Variants in IFNG-AS1 observed in about 807,000 individuals in gnomAD.
IFNG-AS1 encodes IFNG regulatory antisense RNA 1.
upstream of IFNG-AS1, chr12:67,989,454 C>T (rs2120400245): frequency 6.6e-6 from 1 of 152,298 alleles, no homozygotes; most frequent in Non-Finnish European, 1.5e-5. Context: ...CCTGCAATTT[C>T]AGGTAGCTTT....
chr12:68,013,537 A>T (rs1880079385), intron 3 of IFNG-AS1: 1 of 152,216 alleles, frequency 6.6e-6, no homozygotes, highest in Admixed American at 6.5e-5. Flanking sequence ...ACAGGGTCCA[A>T]TGTGAAAAAC....
chr12:68,019,089 G>A (rs1039907754), intron 3 of IFNG-AS1, among the ~76,000 whole-genome samples: 19 of 152,132 alleles, frequency 1.2e-4, no homozygotes, highest in East Asian at 9.7e-4. Context: ...AAGTTAAAGA[G>A]GACTCTTCAC....
intron 3 of IFNG-AS1, among the ~76,000 whole-genome samples, chr12:68,015,851 G>A (rs565199024): frequency 6.6e-6 from 1 of 152,100 alleles, no homozygotes; most frequent in Non-Finnish European, 1.5e-5. Context: ...GTATAGCGTG[G>A]AGGTTAAGAG....
chr12:68,018,198 G>T (rs1592831229), intron 3 of IFNG-AS1, among the ~76,000 whole-genome samples: 1 of 152,020 alleles, frequency 6.6e-6, no homozygotes, highest in Non-Finnish European at 1.5e-5. Context: ...ATGGGTTAGA[G>T]TTATTTATTT....
upstream of IFNG-AS1, chr12:67,989,506 G>A (rs1305644236): frequency 1.3e-5 from 2 of 152,168 alleles, no homozygotes; most frequent in Non-Finnish European, 2.9e-5. Context: ...TCAGAGAAAT[G>A]CCAGCAAAAA....
At chr12:67,997,531 AT>A (rs893149440) in intron 2 of IFNG-AS1, among the ~76,000 whole-genome samples, 30 of 151,328 alleles carry the variant, frequency 2.0e-4, no homozygotes, top group Middle Eastern at 3.4e-3. Flanking sequence ...GTAAAAAAAA[AT>A]TTTTTTTTAA....
At chr12:68,000,587 G>A (rs933481339) in intron 2 of IFNG-AS1, among the ~76,000 whole-genome samples, 1 of 152,100 alleles carries the variant, frequency 6.6e-6, no homozygotes, top group African/African-American at 2.4e-5. Flanking sequence ...TGGGTGGATT[G>A]CTTGAGCCCA....
chr12:68,010,044 C>T (rs532492619), intron 3 of IFNG-AS1, among the ~76,000 whole-genome samples: 59 of 152,280 alleles, frequency 3.9e-4, no homozygotes, highest in African/African-American at 1.3e-3. Context: ...TTAGATTTAA[C>T]TTTTGCCACA....
chr12:68,011,476 C>T (rs149258585), intron 3 of IFNG-AS1, among the ~76,000 whole-genome samples: 97 of 152,210 alleles, frequency 6.4e-4, no homozygotes, highest in African/African-American at 2.3e-3. Flanking sequence ...ATGCAAAAAG[C>T]GTTACATTTT....
chr12:68,015,981 A>T (rs1280660538), intron 3 of IFNG-AS1, among the ~76,000 whole-genome samples: 1 of 152,128 alleles, frequency 6.6e-6, no homozygotes, highest in Non-Finnish European at 1.5e-5. Context: ...AAATTGACAC[A>T]ACTTCAAATT....
chr12:68,013,439 G>A (rs1880077142), intron 3 of IFNG-AS1: 1 of 152,148 alleles, frequency 6.6e-6, no homozygotes, highest in African/African-American at 2.4e-5. Flanking sequence ...ACTCCAAGAG[G>A]GAGGTACAGT....
At chr12:67,996,324 A>C (rs758894405) in intron 2 of IFNG-AS1, among the ~76,000 whole-genome samples, 3 of 152,352 alleles carry the variant, frequency 2.0e-5, no homozygotes, top group Non-Finnish European at 2.9e-5. Context: ...CTTTATTCTG[A>C]TACAAATGTG....
At chr12:67,998,695 T>C (rs995812344) in intron 2 of IFNG-AS1, among the ~76,000 whole-genome samples, 11 of 151,820 alleles carry the variant, frequency 7.2e-5, no homozygotes. Context: ...ATACAAACAA[T>C]AACAAATGAG....
intron 2 of IFNG-AS1, among the ~76,000 whole-genome samples, chr12:68,004,524 T>G (rs1879863645): frequency 6.6e-6 from 1 of 152,180 alleles, no homozygotes; most frequent in South Asian, 2.1e-4. Flanking sequence ...CATGGCCTGG[T>G]CCCCTCCCAG....
At chr12:67,991,022 T>C (rs981196411) in intron 1 of IFNG-AS1, among the ~76,000 whole-genome samples, 2 of 152,186 alleles carry the variant, frequency 1.3e-5, no homozygotes, top group African/African-American at 4.8e-5. Flanking sequence ...GAACATGCTA[T>C]AGTTTCAAAC....
intron 2 of IFNG-AS1, among the ~76,000 whole-genome samples, chr12:68,004,835 T>G (rs1879870014): frequency 6.6e-6 from 1 of 152,200 alleles, no homozygotes; most frequent in African/African-American, 2.4e-5. Context: ...AATTGGACTC[T>G]TCTCTGGACT....
rs1879859769 is a variant in IFNG-AS1, at chr12:68,004,383, T to C, written n.185-1707T>C. ...TCCTCAGGATCTTCCAAGCTTCCTCTGGATCTTCCCAGATTCCTCTCTTCC... is the reference window on the plus strand; with the variant it reads ...TCCTCAGGATCTTCCAAGCTTCCTCCGGATCTTCCCAGATTCCTCTCTTCC... On this transcript the variant is annotated intron_variant and non_coding_transcript_variant, in intron 2 of 5. Transcript: ENST00000536914. Among the ~76,000 whole-genome samples, 3 of 152,218 alleles carry C rather than the reference T, an allele frequency of 2.0e-5. 1 individual carries two copies. In the South Asian group the frequency reaches 6.2e-4, roughly 32 times the overall value.
At chr12:67,992,378 T>C (rs1456486020) in intron 1 of IFNG-AS1, among the ~76,000 whole-genome samples, 1 of 152,200 alleles carries the variant, frequency 6.6e-6, no homozygotes, top group East Asian at 1.9e-4. Flanking sequence ...GTTTAAAAGA[T>C]CTTTCTATCT....
intron 2 of IFNG-AS1, among the ~76,000 whole-genome samples, chr12:67,999,376 A>G (rs1268799882): frequency 2.0e-5 from 3 of 152,180 alleles, no homozygotes; most frequent in Non-Finnish European, 2.9e-5. Flanking sequence ...GAAACCAAGG[A>G]TCCTTGAGAA....
Sources: gnomAD v4.1 joint callset for allele counts (sites outside exome capture counted in the v4.1 genomes callset) on GRCh38, gnomAD v4.1.1 for gene constraint, MANE v1.5 for transcripts, NCBI Gene and HGNC (gene_info 2026-07-23, HGNC 2026-07-21) for gene names.